TMBIM6: variants seen among roughly 807,000 people sequenced by gnomAD.
TMBIM6 encodes the protein bax inhibitor 1.
In TMBIM6, 13 loss-of-function variants were observed where a neutral mutation model predicts 31.4. That is an observed-to-expected ratio of 0.41 (90% CI 0.27 to 0.66). The LOEUF is 0.66. Among genes scored for constraint, TMBIM6 ranks in the 30% least tolerant of loss-of-function variants. TMBIM6 has a pLI of 0.28. For synonymous variants in TMBIM6, 85 were observed against 101.7 expected, an observed-to-expected ratio of 0.84 and a Z score of 0.99; for missense variants, 275 against 289.5, an observed-to-expected ratio of 0.95 and a Z score of 0.36.
Position 49,759,447 on chromosome 12 carries a change from A to G in TMBIM6, c.614+126A>G, listed in dbSNP as rs973093556. 279 of 728,072 alleles carry G rather than the reference A, an allele frequency of 3.8e-4. 1 individual carries two copies. The highest frequency in any genetic ancestry group is 3.1e-3 in the South Asian group (189 of 61,112). 45.1% of individuals were successfully genotyped at this position (728,072 alleles called of 1,614,324 possible). Reference sequence around the variant, plus strand: ...TGGGAGTGTATGTGGTAGGAAACCCACGGTTTTGGAACTGTGTACCATAAT... The same window carrying G: ...TGGGAGTGTATGTGGTAGGAAACCCGCGGTTTTGGAACTGTGTACCATAAT... On this transcript the variant is annotated intron_variant, in intron 8 of 9. Transcript: ENST00000267115.
chr12:49,758,346 C>T (rs754552332), intron 5 of TMBIM6, 37 bp from the exon 6 acceptor site: 13 of 1,613,550 alleles, frequency 8.1e-6, no homozygotes, highest in South Asian at 2.2e-5. Context: ...GACCGTATAC[C>T]TGTAGCCCTT....
rs149945356 is a variant in TMBIM6 at position 49,748,556 on chromosome 12, G to A, written c.-30-3908G>A. 9.4e-3 allele frequency among the ~76,000 whole-genome samples: 1,436 copies of A among 152,332 alleles called. 9 individuals carry two copies. Among genetic ancestry groups the A allele is most frequent in the Non-Finnish European group, 0.016 (1,113 of 68,028 alleles). On this transcript the variant is annotated intron_variant, in intron 1 of 9. Coordinates refer to ENST00000267115, the MANE Select transcript of TMBIM6 (RefSeq NM_003217.3). ...ATGACACTTCAGCAAAACTTTAGCA[G>A]TATGTGCATGACATGTTGACAGCTT...
chr12:49,751,672 C>T (rs1363754119), intron 1 of TMBIM6, among the ~76,000 whole-genome samples: 3 of 151,830 alleles, frequency 2.0e-5, no homozygotes, highest in Non-Finnish European at 4.4e-5. Context: ...AGTCTTAATG[C>T]CAGACCCAGC....
chr12:49,753,923 A>C (rs1190864062), intron 3 of TMBIM6, among the ~76,000 whole-genome samples: 3 of 137,506 alleles, frequency 2.2e-5, no homozygotes, highest in Middle Eastern at 3.9e-3. Flanking sequence ...TACTCATGGC[A>C]CTTTTTTTTT....
At chr12:49,745,648 C>T (rs886962988) in intron 1 of TMBIM6, among the ~76,000 whole-genome samples, 81 of 150,870 alleles carry the variant, frequency 5.4e-4, no homozygotes, top group Non-Finnish European at 7.4e-5. Flanking sequence ...TCACTTGAAC[C>T]CAGGAGGCAG....
intron 2 of TMBIM6, 76 bp downstream of exon 2, chr12:49,752,625 CTT>C (rs1192485097): frequency 7.8e-7 from 1 of 1,274,978 alleles, no homozygotes; most frequent in South Asian, 1.2e-5. Context: ...GCATTTATAA[CTT>C]TTGTGTGTAT....
chr12:49,754,590 G>C (rs898067629), intron 3 of TMBIM6, among the ~76,000 whole-genome samples: 6 of 152,050 alleles, frequency 3.9e-5, no homozygotes, highest in Non-Finnish European at 8.8e-5. Context: ...CAGGAACAAG[G>C]GTTTACTAAT....
intron 4 of TMBIM6, among the ~76,000 whole-genome samples, chr12:49,757,923 T>C (rs1042423919): frequency 6.6e-6 from 1 of 152,192 alleles, no homozygotes; most frequent in Non-Finnish European, 1.5e-5. Context: ...CTTACATCAC[T>C]CTAGCTCTGA....
At chr12:49,754,274 A>G (rs1002237663) in intron 3 of TMBIM6, among the ~76,000 whole-genome samples, 1 of 152,124 alleles carries the variant, frequency 6.6e-6, no homozygotes, top group African/African-American at 2.4e-5. Context: ...AGCACATGCC[A>G]CCATGCTTGG....
At chr12:49,748,717 C>T (rs1409870206) in intron 1 of TMBIM6, among the ~76,000 whole-genome samples, 1 of 152,154 alleles carries the variant, frequency 6.6e-6, no homozygotes, top group Non-Finnish European at 1.5e-5. Flanking sequence ...TCCACAACTC[C>T]AGGAGGCACT....
At chr12:49,742,576 G>T (rs1167831464) in intron 1 of TMBIM6, 1 of 264,844 alleles carries the variant, frequency 3.8e-6, no homozygotes, top group Non-Finnish European at 7.1e-6. Flanking sequence ...GGCTGACTGT[G>T]CTTGAAACAG....
chr12:49,762,157 T>G (rs893404426), intron 9 of TMBIM6: 33 of 214,362 alleles, frequency 1.5e-4, no homozygotes, highest in Non-Finnish European at 2.9e-4. Context: ...CAAGGAAGCA[T>G]TCTATATAGG....
chr12:49,761,697 C>T lies in TMBIM6; in HGVS notation c.615-7C>T. On this transcript the variant is annotated splice_polypyrimidine_tract_variant and splice_region_variant and intron_variant, in intron 8 of 9. Coordinates refer to ENST00000267115, the MANE Select transcript of TMBIM6 (RefSeq NM_003217.3). Reference sequence around the variant, plus strand: ...GTACAGATCCTAATCTGGTTCTTGCCTTTCAGGCACTGCATTGATCTCTTC... The same window carrying T: ...GTACAGATCCTAATCTGGTTCTTGCTTTTCAGGCACTGCATTGATCTCTTC... The T allele has an allele frequency of 1.2e-6, 2 of 1,613,976 alleles. No individual in the cohort carries two copies. Among genetic ancestry groups the T allele is most frequent in the Non-Finnish European group, 1.7e-6 (2 of 1,179,898 alleles).
intron 1 of TMBIM6, chr12:49,744,601 C>T (rs1945356795): frequency 6.6e-6 from 1 of 152,186 alleles, no homozygotes; most frequent in East Asian, 1.9e-4. Context: ...CACTCTTGAT[C>T]TGATAATAGG....
intron 8 of TMBIM6, among the ~76,000 whole-genome samples, chr12:49,761,121 C>T (rs1945710944): frequency 6.6e-6 from 1 of 152,140 alleles, no homozygotes; most frequent in East Asian, 1.9e-4. Flanking sequence ...CAGGTGTGAG[C>T]CACTGTGCTC....
At chr12:49,758,095 G>A (rs1347391444) in intron 4 of TMBIM6, 132 bp from the exon 5 acceptor site, 6 of 931,664 alleles carry the variant, frequency 6.4e-6, no homozygotes, top group Non-Finnish European at 1.0e-5. Flanking sequence ...CAGCGGAGGG[G>A]AGAGAGATTT....
In TMBIM6 at chr12:49,741,994, T is replaced by G. The variant is rs185326930; in HGVS notation, c.-31+383T>G. The G allele has an allele frequency of 1.2e-5, 15 of 1,262,546 alleles. No individual in the cohort carries two copies. In the African/African-American group the frequency reaches 2.2e-4, roughly 19 times the overall value. 78.2% of individuals were successfully genotyped at this position (1,262,546 alleles called of 1,614,324 possible). The stretch of plus-strand genomic sequence containing the variant: ...TTGGCCTAGCTTCGATCGTTCGAAT[T>G]CAGAGCACGTCCTTCCGAGGTGAAG... On this transcript the variant is annotated intron_variant, in intron 1 of 9. Coordinates refer to ENST00000267115, the MANE Select transcript of TMBIM6 (RefSeq NM_003217.3).
intron 9 of TMBIM6, among the ~76,000 whole-genome samples, chr12:49,762,424 C>T (rs976097469): frequency 6.6e-6 from 1 of 152,194 alleles, no homozygotes; most frequent in Non-Finnish European, 1.5e-5. Context: ...AAGAATTCTG[C>T]TGGACCAAAT....
intron 1 of TMBIM6, chr12:49,750,549 G>A (rs557940750): frequency 6.6e-6 from 1 of 152,300 alleles, no homozygotes; most frequent in African/African-American, 2.4e-5. Flanking sequence ...GGTTATGGAA[G>A]GCTGTGGTTG....
Sources: gnomAD v4.1 joint callset for allele counts (sites outside exome capture counted in the v4.1 genomes callset) on GRCh38, gnomAD v4.1.1 for gene constraint, MANE v1.5 for transcripts, NCBI Gene and HGNC (gene_info 2026-07-23, HGNC 2026-07-21) for gene names.